The following DNAJB6 variants were observed in gnomAD, a reference collection of about 807,000 sequenced individuals.
DNAJB6 encodes dnaJ homolog subfamily B member 6.
Under a neutral mutation model 42.7 loss-of-function variants are expected in DNAJB6, and 16 were observed. The observed-to-expected ratio is 0.37, with a 90% CI of 0.25 to 0.57. DNAJB6 has a LOEUF of 0.57. Among genes scored for constraint, DNAJB6 ranks in the 20% least tolerant of loss-of-function variants. DNAJB6 has a pLI of 0.74. For synonymous variants in DNAJB6, 170 were observed against 163.5 expected, an observed-to-expected ratio of 1.04 and a Z score of -0.30; for missense variants, 347 against 416.8, an observed-to-expected ratio of 0.83 and a Z score of 1.46.
In DNAJB6 at chr7:157,387,691, T is replaced by C. The variant is rs568949626; in HGVS notation, c.691+2080T>C. Among the ~76,000 whole-genome samples, 72 of 152,284 alleles carry C rather than the reference T, an allele frequency of 4.7e-4. 1 individual carries two copies. Among genetic ancestry groups the C allele is most frequent in the Admixed American group, 9.1e-4 (14 of 15,308 alleles). ...TTTGGTTGTTCTAGACTTTGTGGAG[T>C]GTTTCATGCAACTCTAGCTGTGAAC... On this transcript the variant is annotated intron_variant, in intron 8 of 9. Transcript: ENST00000262177.
At chr7:157,344,905 A>G (rs1798606346) in intron 1 of DNAJB6, among the ~76,000 whole-genome samples, 1 of 151,936 alleles carries the variant, frequency 6.6e-6, no homozygotes, top group Admixed American at 6.6e-5. Flanking sequence ...GAGCTACTGT[A>G]CCCAGCTGTG....
At chr7:157,350,555 A>T (rs1331734801) in intron 1 of DNAJB6, among the ~76,000 whole-genome samples, 2 of 152,150 alleles carry the variant, frequency 1.3e-5, no homozygotes, top group Admixed American at 1.3e-4. Flanking sequence ...AGGTTGCACT[A>T]ATTAGTGGTT....
chr7:157,400,434 C>T (rs937098487), intron 8 of DNAJB6, among the ~76,000 whole-genome samples: 1 of 152,140 alleles, frequency 6.6e-6, no homozygotes, highest in South Asian at 2.1e-4. Context: ...TCGCTGGCAC[C>T]GAGCTCTTCT....
chr7:157,394,875 G>A (rs1279222843), intron 8 of DNAJB6, among the ~76,000 whole-genome samples: 5 of 152,188 alleles, frequency 3.3e-5, no homozygotes, highest in African/African-American at 7.2e-5. Flanking sequence ...GCTGCGTGGC[G>A]GGTGGATTGC....
At chr7:157,368,106 C>T (rs1799931387) in intron 5 of DNAJB6, among the ~76,000 whole-genome samples, 1 of 151,962 alleles carries the variant, frequency 6.6e-6, no homozygotes, top group Non-Finnish European at 1.5e-5. Context: ...AGAGCAAGGC[C>T]CTGTCTCAAA....
chr7:157,410,399 C>T (rs1020455576), intron 9 of DNAJB6: 1 of 366,710 alleles, frequency 2.7e-6, no homozygotes, highest in Non-Finnish European at 4.9e-6. Flanking sequence ...CCTGCCCCTC[C>T]GTCAGCTTCA....
rs574039157 is a variant in DNAJB6 at position 157,393,424 on chromosome 7, T to C, written c.691+7813T>C. On this transcript the variant is annotated intron_variant, in intron 8 of 9. Coordinates refer to ENST00000262177, the MANE Select transcript of DNAJB6 (RefSeq NM_058246.4). ...AGGCTGATTTTAGTATTTTACTGTGTGATTATGTTTCTGAGAAAGATTAGT... is the reference window on the plus strand; with the variant it reads ...AGGCTGATTTTAGTATTTTACTGTGCGATTATGTTTCTGAGAAAGATTAGT... Among the ~76,000 whole-genome samples the C allele has an allele frequency of 1.2e-4, 19 of 152,360 alleles. No individual in the cohort carries two copies. The South Asian group carries it at 3.7e-3, about 30-fold the overall frequency.
chr7:157,351,863 C>A (rs2116909112), intron 1 of DNAJB6, among the ~76,000 whole-genome samples: 1 of 149,498 alleles, frequency 6.7e-6, no homozygotes, highest in East Asian at 2.0e-4. Context: ...TGTGGTGGCA[C>A]ATGCCTGTAG....
intron 5 of DNAJB6, chr7:157,369,561 C>A (rs1256790445): frequency 2.3e-5 from 8 of 343,296 alleles, no homozygotes; most frequent in South Asian, 1.8e-4. Context: ...GGCTTTCTTA[C>A]CATTATTATT....
intron 8 of DNAJB6, among the ~76,000 whole-genome samples, chr7:157,403,151 C>T (rs1013879854): frequency 3.9e-5 from 6 of 152,224 alleles, no homozygotes; most frequent in East Asian, 3.9e-4. Context: ...GTGGATAAGA[C>T]GAATCATTGC....
intron 5 of DNAJB6, among the ~76,000 whole-genome samples, chr7:157,370,047 GGTCTTTCATAACGTT>G (rs1363580585): frequency 3.4e-5 from 5 of 145,720 alleles, no homozygotes; most frequent in East Asian, 2.0e-4. Flanking sequence ...TTATTAAACA[GGTCTTTCATAACGTT>G]ATTATTAAAC....
intron 5 of DNAJB6, among the ~76,000 whole-genome samples, chr7:157,376,834 C>G (rs1280244708): frequency 6.6e-6 from 1 of 152,130 alleles, no homozygotes; most frequent in Non-Finnish European, 1.5e-5. Flanking sequence ...GAGCCAAGAT[C>G]GCGCCACTAC....
At chr7:157,362,971 G>A (rs1326128007) in intron 2 of DNAJB6, among the ~76,000 whole-genome samples, 190 bp from the exon 3 acceptor site, 8 of 152,154 alleles carry the variant, frequency 5.3e-5, no homozygotes, top group Admixed American at 2.0e-4. Flanking sequence ...ACGCCACTAC[G>A]CCTGGCTATC....
At chr7:157,394,867 T>A (rs1801508451) in intron 8 of DNAJB6, among the ~76,000 whole-genome samples, 1 of 152,186 alleles carries the variant, frequency 6.6e-6, no homozygotes. Flanking sequence ...GAGGCTGAGC[T>A]GCGTGGCGGG....
chr7:157,357,162 C>G (rs1337631991), intron 1 of DNAJB6, among the ~76,000 whole-genome samples: 1 of 149,766 alleles, frequency 6.7e-6, no homozygotes, highest in East Asian at 2.0e-4. Context: ...AAACAAAAAC[C>G]AAGAGTTGAA....
At chr7:157,397,063 G>T (rs1801622518) in intron 8 of DNAJB6, among the ~76,000 whole-genome samples, 2 of 152,208 alleles carry the variant, frequency 1.3e-5, no homozygotes, top group South Asian at 2.1e-4. Flanking sequence ...TCTCACCGAT[G>T]TGGACGTGTG....
At chr7:157,393,251 A>T (rs1801432962) in intron 8 of DNAJB6, among the ~76,000 whole-genome samples, 1 of 152,206 alleles carries the variant, frequency 6.6e-6, no homozygotes, top group African/African-American at 2.4e-5. Context: ...TGCTGGGATT[A>T]CAGGTGTGAG....
rs765886234 is a variant in DNAJB6, at chr7:157,416,045, C to A, written c.928C>A (p.Gln310Lys). The A allele has an allele frequency of 6.2e-6, 10 of 1,614,050 alleles. No homozygotes were observed. The Admixed American group carries it at 1.0e-4, about 16-fold the overall frequency. Residue 310 changes from glutamine (Q) to lysine (K), a missense_variant, in exon 10 of 10, where the codon CAG (glutamine) becomes AAG (lysine). Gln to Lys is a moderately conservative substitution (Grantham distance 53). Around this residue, in one of 3 missense-constraint regions of DNAJB6, gnomAD observed 264 missense variants for 288.0 expected, o/e 0.92. Transcript: ENST00000262177. ...GAAAGAAGGTGGCAAGAGGAAGAAG[C>A]AGAAGCAGAGAGAGGAGTCGAAGAA... is the stretch of plus-strand genomic sequence containing the variant. ...GLKEGGKRKK[Q>K]KQREESKKKK...
At chr7:157,392,118 G>C (rs973612620) in intron 8 of DNAJB6, among the ~76,000 whole-genome samples, 1 of 109,738 alleles carries the variant, frequency 9.1e-6, no homozygotes, top group Non-Finnish European at 2.0e-5. Context: ...AAAAAAAAAA[G>C]GATAGTCATA....
Sources: gnomAD v4.1 joint callset for allele counts (sites outside exome capture counted in the v4.1 genomes callset) on GRCh38, gnomAD v4.1.1 for gene constraint, gnomAD v4.1.1 regional missense constraint, MANE v1.5 for transcripts, NCBI Gene and HGNC (gene_info 2026-07-23, HGNC 2026-07-21) for gene names.